CRIP1: variants seen among roughly 807,000 people sequenced by gnomAD.
CRIP1 encodes cysteine-rich protein 1.
A neutral mutation model predicts 12.9 loss-of-function variants in CRIP1; 11 were observed. The observed-to-expected ratio is 0.86, with a 90% CI of 0.54 to 1.42. The LOEUF (loss-of-function observed/expected upper bound fraction) is 1.42, where lower values mean the gene tolerates loss of function less well. Among genes scored for constraint, CRIP1 ranks in the 40% most tolerant of loss-of-function variants. CRIP1 has a pLI of 0.00. For missense variants in CRIP1, 122 were observed against 101.3 expected, an observed-to-expected ratio of 1.20 and a Z score of -0.88; for synonymous variants, 41 against 37.2, an observed-to-expected ratio of 1.10 and a Z score of -0.37.
At chr14:105,487,029 C>G in intron 1 of CRIP1, 57 bp downstream of exon 1, 1 of 1,355,576 alleles carries the variant, frequency 7.4e-7, no homozygotes, top group Non-Finnish European at 9.5e-7. Context: ...GGCCCGGGTC[C>G]TGCCTGAAGG....
chr14:105,488,110 G>A (rs955642636), intron 2 of CRIP1, 56 bp from the exon 3 acceptor site: 6 of 1,556,278 alleles, frequency 3.9e-6, no homozygotes, highest in South Asian at 3.5e-5. Context: ...TACGCCAGTG[G>A]TGGGTAGGCG....
rs1391064908 is a variant in CRIP1, at chr14:105,488,665, G to C, written c.*8G>C. On this transcript the variant is annotated splice_region_variant and 3_prime_UTR_variant, in exon 6 of 6. Transcript: ENST00000392531. ...TGTGCCTGTCTCTCTCTGCACAGGT[G>C]GTGGAGACCCCATCCTTGGCTGCTT... 2.4e-6 allele frequency: 2 copies of C among 839,058 alleles called. No individual in the cohort carries two copies. The highest frequency in any genetic ancestry group is 2.6e-5 in the Admixed American group (1 of 38,106). 52.0% of individuals were successfully genotyped at this position (839,058 alleles called of 1,614,324 possible).
chr14:105,488,150 G>C lies in CRIP1; in HGVS notation c.41-16G>C, dbSNP rs782323955. On this transcript the variant is annotated splice_polypyrimidine_tract_variant and intron_variant, in intron 2 of 5. Transcript: ENST00000392531. ...GTCCTGCAGCGTCTCACCGGGGCCT[G>C]TCTGTGCCTCTGCAGCCGAGAGGGT... 6.2e-7 allele frequency: 1 copy of C among 1,610,722 alleles called. No individual in the cohort carries two copies. The highest frequency in any genetic ancestry group is 8.5e-7 in the Non-Finnish European group (1 of 1,179,390).
Position 105,488,742 on chromosome 14 carries a change from C to A in CRIP1, c.*85C>A. 1.7e-6 allele frequency: 1 copy of A among 591,544 alleles called. No individual in the cohort carries two copies. The allele number at this position is 591,544 out of a possible 1,614,324, so 36.6% of individuals were successfully genotyped here. A position where few individuals can be genotyped will look rare whatever the true frequency, so the allele number is the denominator to read the frequency against. On this transcript the variant is annotated 3_prime_UTR_variant, in exon 6 of 6. Transcript: ENST00000392531. The stretch of plus-strand genomic sequence containing the variant: ...AGGCCTTGTCCCCAGATGCCCAGGG[C>A]TCCCTTGTTGCCCCTAATGCTCTCA...
At position 105,488,241 on chromosome 14, in the gene CRIP1, C is replaced by G. The variant is rs782248329; in HGVS notation, c.116C>G (p.Thr39Ser). Residue 39 changes from threonine to serine, a missense_variant, in exon 3 of 6, where the codon ACC (threonine) becomes AGC (serine). By Grantham distance (58) the Thr-to-Ser change is moderately conservative (BLOSUM62 1). Coordinates refer to ENST00000392531, the MANE Select transcript of CRIP1 (RefSeq NM_001311.5). ...TGCGAGAAATGTGGGAAGACGCTGA[C>G]CTCTGGGGGCCACGCTGAGGTAGGT... The part of the protein sequence containing the change: ...LKCEKCGKTL[T>S]SGGHAEHEGK... 3 of 1,613,324 alleles carry G rather than the reference C, an allele frequency of 1.9e-6. No homozygotes were observed. The highest frequency in any genetic ancestry group is 2.5e-6 in the Non-Finnish European group (3 of 1,180,028).
chr14:105,487,993 G>A (rs1595464410), intron 2 of CRIP1, 173 bp from the exon 3 acceptor site: 3 of 619,726 alleles, frequency 4.8e-6, no homozygotes, highest in Admixed American at 2.9e-5. Context: ...GGGGATTGGA[G>A]ATGTTCCCCT....
chr14:105,488,042 T>G, intron 2 of CRIP1, 124 bp from the exon 3 acceptor site: 1 of 958,372 alleles, frequency 1.0e-6, no homozygotes. Context: ...GCTGCCAGGC[T>G]GGGCGGATGC....
chr14:105,488,132 A>G (rs782496372), intron 2 of CRIP1, 34 bp from the exon 3 acceptor site: 2 of 1,597,904 alleles, frequency 1.3e-6, no homozygotes, highest in Non-Finnish European at 8.5e-7. Context: ...CGCGTCCTGC[A>G]GCGTCTCACC....
At chr14:105,487,876 G>A in intron 2 of CRIP1, 2 of 471,444 alleles carry the variant, frequency 4.2e-6, no homozygotes, top group South Asian at 5.0e-5. Context: ...CTGACCCTCG[G>A]CCTCGCCCTC....
rs1350878459 is a variant in CRIP1, at chr14:105,488,154, G to GTGCCTC, written c.41-8_41-3dup. The GTGCCTC allele has an allele frequency of 1.2e-6, 2 of 1,611,052 alleles. No homozygotes were observed. The highest frequency in any genetic ancestry group is 1.7e-6 in the Non-Finnish European group (2 of 1,179,612). On this transcript the variant is annotated splice_polypyrimidine_tract_variant and intron_variant, in intron 2 of 5. Coordinates refer to ENST00000392531, the MANE Select transcript of CRIP1 (RefSeq NM_001311.5). ...TGCAGCGTCTCACCGGGGCCTGTCTGTGCCTCTGCAGCCGAGAGGGTGACC... is the reference window on the plus strand; with the variant it reads ...TGCAGCGTCTCACCGGGGCCTGTCTGTGCCTCTGCCTCTGCAGCCGAGAGGGTGACC...
rs782021511 is a variant in CRIP1, at chr14:105,488,541, C to G, written c.*5+25C>G. 2.6e-6 allele frequency: 4 copies of G among 1,566,650 alleles called. No homozygotes were observed. In the South Asian group the frequency reaches 4.8e-5, roughly 19 times the overall value. ...GGTAGGTAGGACCCCACCCCCTATC[C>G]TGCCTCCTGGTTCCACCCTCGGGAT... On this transcript the variant is annotated intron_variant, in intron 5 of 5. Transcript: ENST00000392531.
intron 2 of CRIP1, 200 bp downstream of exon 2, chr14:105,487,499 T>C: frequency 1.9e-6 from 1 of 538,778 alleles, no homozygotes. Context: ...TGCCTGCTAG[T>C]GGTCTTGCTG....
At chr14:105,487,497 A>G (rs1555438290) in intron 2 of CRIP1, 198 bp downstream of exon 2, 3 of 551,910 alleles carry the variant, frequency 5.4e-6, no homozygotes, top group Admixed American at 7.5e-5. Flanking sequence ...TCTGCCTGCT[A>G]GTGGTCTTGC....
At chr14:105,487,096 G>T (rs1017315899) in intron 1 of CRIP1, 103 bp from the exon 2 acceptor site, 7 of 1,376,256 alleles carry the variant, frequency 5.1e-6, no homozygotes, top group Middle Eastern at 2.7e-4. Context: ...AGGTCCCCAG[G>T]GTCCAAGTCC....
In CRIP1 at chr14:105,488,374, T is replaced by C. The variant is rs1460918330; in HGVS notation, c.179T>C (p.Met60Thr). 1 of 1,613,180 alleles carries C rather than the reference T, an allele frequency of 6.2e-7. No homozygotes were observed. The highest frequency in any genetic ancestry group is 1.7e-5 in the Admixed American group (1 of 59,998). ...TGCAACCACCCCTGCTACGCAGCCA[T>C]GTTTGGGCCTAAAGGTATGCTCCCG... is the stretch of plus-strand genomic sequence containing the variant. ...PYCNHPCYAA[M>T]FGPKGFGRGG... is the part of the protein sequence containing the mutation. Residue 60 changes from methionine to threonine, a missense_variant, in exon 4 of 6, where the codon ATG (methionine) becomes ACG (threonine). Met to Thr is a moderately conservative substitution (Grantham distance 81, BLOSUM62 -1). Coordinates refer to ENST00000392531, the MANE Select transcript of CRIP1 (RefSeq NM_001311.5).
At chr14:105,488,616 G>T in intron 5 of CRIP1, 47 bp from the exon 6 acceptor site, 2 of 1,221,314 alleles carry the variant, frequency 1.6e-6, no homozygotes, top group Non-Finnish European at 2.3e-6. Context: ...CCCCAAAGGA[G>T]GCCGTGGACG....
chr14:105,487,127 C>T (rs2084127942), intron 1 of CRIP1, 72 bp from the exon 2 acceptor site: 1 of 1,411,174 alleles, frequency 7.1e-7, no homozygotes, highest in Admixed American at 2.8e-5. Context: ...GGGCGGGGCG[C>T]GAGGGGCGGG....
At chr14:105,488,128 C>T in intron 2 of CRIP1, 38 bp from the exon 3 acceptor site, 1 of 1,593,222 alleles carries the variant, frequency 6.3e-7, no homozygotes, top group Non-Finnish European at 8.6e-7. Context: ...GCGCCGCGTC[C>T]TGCAGCGTCT....
At chr14:105,487,479 T>A in intron 2 of CRIP1, 180 bp downstream of exon 2, 1 of 565,740 alleles carries the variant, frequency 1.8e-6, no homozygotes, top group Non-Finnish European at 3.1e-6. Context: ...CCGAGGGCCC[T>A]GGCGATCTCT....
Sources: allele counts gnomAD v4.1 joint callset, GRCh38; gene constraint gnomAD v4.1.1; transcripts MANE v1.5; gene names NCBI Gene and HGNC (gene_info 2026-07-23, HGNC 2026-07-21).